The following NUP155 variants were observed in gnomAD, a reference collection of about 807,000 sequenced individuals.
NUP155 encodes nuclear pore complex protein Nup155.
NUP155 carries 71 observed loss-of-function variants against 180.4 expected under a neutral mutation model. That is an observed-to-expected ratio of 0.39 (90% confidence interval 0.33 to 0.48). The LOEUF is 0.48. NUP155 is among the 20% of genes least tolerant of loss of function. NUP155 has a pLI of 0.91. For missense variants in NUP155, 1,553 were observed against 1,648.9 expected (o/e 0.94, Z 1.01); for synonymous variants, 582 against 559.5 (o/e 1.04, Z -0.57).
At chr5:37,365,869 G>T (rs1747554932) in intron 1 of NUP155, among the ~76,000 whole-genome samples, 1 of 148,696 alleles carries the variant, frequency 6.7e-6, no homozygotes, top group Non-Finnish European at 1.5e-5. Context: ...CTATCATTTT[G>T]CTAATCTGAA....
intron 11 of NUP155, among the ~76,000 whole-genome samples, chr5:37,339,691 A>G (rs368112325): frequency 6.6e-6 from 1 of 152,348 alleles, no homozygotes; most frequent in East Asian, 1.9e-4. Context: ...AACATAGTTA[A>G]GATGGCAACA....
intron 20 of NUP155, 140 bp downstream of exon 20, chr5:37,323,852 T>C: frequency 1.5e-6 from 1 of 648,206 alleles, no homozygotes; most frequent in Non-Finnish European, 2.8e-6. Context: ...ATAGTGGTGA[T>C]GGTTGCATAA....
chr5:37,324,722 T>C (rs1744473211), intron 19 of NUP155, among the ~76,000 whole-genome samples: 1 of 152,174 alleles, frequency 6.6e-6, no homozygotes, highest in Non-Finnish European at 1.5e-5. Flanking sequence ...AATTTTAATC[T>C]TATTTTATTT....
At position 37,363,979 on chromosome 5, in the gene NUP155, G is replaced by T; in HGVS notation, c.301C>A (p.Gln101Lys). 6.2e-7 allele frequency: 1 copy of T among 1,602,264 alleles called. No homozygotes were observed. Among genetic ancestry groups the T allele is most frequent in the Middle Eastern group, 1.7e-4 (1 of 6,022 alleles). ...AACACACCCATCATGCAATTACACTGCATATCTGAGGTAGTGTGGATGTAA... is the reference window on the plus strand; with the variant it reads ...AACACACCCATCATGCAATTACACTTCATATCTGAGGTAGTGTGGATGTAA... Reference protein sequence around the residue: ...PELVEQFGHMQCNCMMGVFPP... With the variant: ...PELVEQFGHMKCNCMMGVFPP... The change falls in exon 3 of 35, where the codon CAG becomes AAG. Residue 101 changes from glutamine (Q) to lysine (K), a missense_variant. Physicochemically the swap from Gln to Lys is moderately conservative, Grantham distance 53. Coordinates refer to ENST00000231498, the MANE Select transcript of NUP155 (RefSeq NM_153485.3).
At chr5:37,321,220 G>A (rs1744221979) in intron 20 of NUP155, among the ~76,000 whole-genome samples, 1 of 152,036 alleles carries the variant, frequency 6.6e-6, no homozygotes, top group Non-Finnish European at 1.5e-5. Context: ...GTGGTGTGGG[G>A]CTGTAGTCTC....
At chr5:37,341,037 T>C in intron 11 of NUP155, 53 bp downstream of exon 11, 1 of 1,415,352 alleles carries the variant, frequency 7.1e-7, no homozygotes, top group South Asian at 1.2e-5. Context: ...CACCATATAA[T>C]TTTAACAATT....
intron 14 of NUP155, 25 bp downstream of exon 14, chr5:37,331,660 A>AT: frequency 1.5e-6 from 2 of 1,359,680 alleles, no homozygotes; most frequent in Non-Finnish European, 1.0e-6. Context: ...ATAGCATCAC[A>AT]TTTTTTAAAA....
At chr5:37,340,442 CAA>C (rs527845158) in intron 11 of NUP155, among the ~76,000 whole-genome samples, 4 of 128,362 alleles carry the variant, frequency 3.1e-5, no homozygotes, top group Admixed American at 8.0e-5. Context: ...CAGACCACCT[CAA>C]AAAAAAAAAA....
intron 1 of NUP155, among the ~76,000 whole-genome samples, chr5:37,367,830 C>A (rs1356655562): frequency 6.6e-6 from 1 of 152,180 alleles, no homozygotes; most frequent in Admixed American, 6.6e-5. Flanking sequence ...ATTGCCCTGG[C>A]TGGAGTACAG....
At chr5:37,330,873 G>A (rs1397919483) in intron 14 of NUP155, among the ~76,000 whole-genome samples, 1 of 152,190 alleles carries the variant, frequency 6.6e-6, no homozygotes, top group Non-Finnish European at 1.5e-5. Flanking sequence ...CAACAGGCCA[G>A]GCATGGTGGC....
intron 13 of NUP155, 123 bp downstream of exon 13, chr5:37,333,340 C>A: frequency 1.1e-6 from 1 of 879,852 alleles, no homozygotes; most frequent in Non-Finnish European, 1.8e-6. Flanking sequence ...GGGTGATGAG[C>A]GAGACTCCGT....
intron 9 of NUP155, among the ~76,000 whole-genome samples, chr5:37,343,592 A>C (rs1745884008): frequency 6.6e-6 from 1 of 152,082 alleles, no homozygotes; most frequent in African/African-American, 2.4e-5. Flanking sequence ...CATTACTGCT[A>C]ATTAAAAAAG....
intron 27 of NUP155, among the ~76,000 whole-genome samples, chr5:37,304,249 C>CAAAAAAA: frequency 1.3e-5 from 1 of 74,766 alleles, no homozygotes; most frequent in East Asian, 4.2e-4. Context: ...GACTCCATCT[C>CAAAAAAA]AAAAAAAAAA....
At chr5:37,316,058 G>T (rs534183939) in intron 21 of NUP155, among the ~76,000 whole-genome samples, 2 of 152,034 alleles carry the variant, frequency 1.3e-5, no homozygotes, top group Non-Finnish European at 2.9e-5. Flanking sequence ...TCCACTTCTG[G>T]GTATATACCC....
At position 37,318,860 on chromosome 5, in the gene NUP155, A is replaced by G. The variant is rs78071405; in HGVS notation, c.2208-775T>C. On this transcript the variant is annotated intron_variant, in intron 20 of 34. Coordinates refer to ENST00000231498, the MANE Select transcript of NUP155 (RefSeq NM_153485.3). ...AAAACACAAAAAAATTTCAAAGTAA[A>G]CACTAAGTCACTTACAAAGGAAGGA... Among the ~76,000 whole-genome samples the G allele has an allele frequency of 8.4e-4, 128 of 152,346 alleles. 1 individual carries two copies. The East Asian group carries it at 0.023, about 28-fold the overall frequency.
chr5:37,351,484 G>A, intron 5 of NUP155, 128 bp from the exon 6 acceptor site: 2 of 655,148 alleles, frequency 3.1e-6, no homozygotes, highest in South Asian at 3.8e-5. Context: ...GTCTTACTCT[G>A]TCACCCAGGC....
rs377079846 is a variant in NUP155, at chr5:37,341,095, C to T, written c.1241G>A (p.Ser414Asn). The T allele has an allele frequency of 8.1e-6, 13 of 1,610,460 alleles. No individual in the cohort carries two copies. Among genetic ancestry groups the T allele is most frequent in the Non-Finnish European group, 9.3e-6 (11 of 1,176,756 alleles). Residue 414 changes from serine to asparagine, a missense_variant, in exon 11 of 35, where the codon AGT becomes AAT. Physicochemically the swap from Ser to Asn is conservative, Grantham distance 46. Transcript: ENST00000231498. ...GATAGTATTTCAGAACTTACCTTTA[C>T]TATAAAGAGCTCTATGTACTTTTGA... ...KPSKVHRALY[S>N]KGILLMAASE...
intron 25 of NUP155, among the ~76,000 whole-genome samples, chr5:37,305,985 T>C (rs1188168452): frequency 2.0e-5 from 3 of 152,162 alleles, no homozygotes; most frequent in Non-Finnish European, 2.9e-5. Context: ...TTTGGCAGAA[T>C]AGATGTACAT....
chr5:37,309,019 A>G, intron 24 of NUP155, 110 bp downstream of exon 24: 2 of 1,146,176 alleles, frequency 1.7e-6, no homozygotes, highest in Non-Finnish European at 2.6e-6. Context: ...TGATGCTGAA[A>G]GAAGATTTGC....
Sources: gnomAD v4.1 joint callset for allele counts (sites outside exome capture counted in the v4.1 genomes callset) on GRCh38, gnomAD v4.1.1 for gene constraint, MANE v1.5 for transcripts, NCBI Gene and HGNC (gene_info 2026-07-23, HGNC 2026-07-21) for gene names.